Variants in EFHB observed in about 807,000 individuals in gnomAD.
EFHB encodes the protein EF-hand domain-containing family member B.
EFHB carries 91 observed loss-of-function variants against 87.2 expected under a neutral mutation model. The ratio of observed to expected loss-of-function variants is 1.04; its 90% CI spans 0.88 to 1.24. The LOEUF (loss-of-function observed/expected upper bound fraction) is 1.24, where lower values mean the gene tolerates loss of function less well. Among genes scored for constraint, EFHB ranks in the 50% most tolerant of loss-of-function variants. The pLI is 0.00. For missense variants in EFHB, 1,084 were observed against 998.8 expected (o/e 1.09, Z -1.15); for synonymous variants, 325 against 333.6 (o/e 0.97, Z 0.28).
chr3:19,904,107 G>A (rs1005240106), intron 6 of EFHB, among the ~76,000 whole-genome samples: 1 of 152,198 alleles, frequency 6.6e-6, no homozygotes, highest in Non-Finnish European at 1.5e-5. Context: ...AAGTTTGTGT[G>A]CATGTTGGGC....
chr3:19,921,951 G>A (rs996958435), intron 1 of EFHB, among the ~76,000 whole-genome samples: 18 of 152,052 alleles, frequency 1.2e-4, no homozygotes, highest in Admixed American at 2.0e-4. Flanking sequence ...GACCATTTGA[G>A]GTCAGGAGTT....
intron 11 of EFHB, among the ~76,000 whole-genome samples, chr3:19,883,606 A>G (rs919144672): frequency 9.2e-5 from 14 of 152,158 alleles, no homozygotes; most frequent in African/African-American, 3.4e-4. Context: ...CCTAACCTCC[A>G]CTAACTCAGA....
rs140136782 is a variant in EFHB, at chr3:19,925,028, G to A, written c.790-4461C>T. Among the ~76,000 whole-genome samples the A allele has an allele frequency of 4.5e-4, 69 of 152,032 alleles. No individual in the cohort carries two copies. In the East Asian group the frequency reaches 0.011, roughly 24 times the overall value. ...TGGGAAGCCGAGGTGGGCGGATCAC[G>A]AGGTCAGGAGATCAAGACCATCCTG... On this transcript the variant is annotated intron_variant, in intron 1 of 12. Transcript: ENST00000295824.
In EFHB at chr3:19,946,751, C is replaced by T. The variant is rs114645597; in HGVS notation, c.-32+168G>A. Among the ~76,000 whole-genome samples, 10 of 152,204 alleles carry T rather than the reference C, an allele frequency of 6.6e-5. No homozygotes were observed. The East Asian group carries it at 1.9e-3, about 29-fold the overall frequency. The stretch of plus-strand genomic sequence containing the variant: ...TGCCAGGATTGGGGTTAGGGAACCT[C>T]GCCGCTCCCACAAGGGCTGGGCACA... On this transcript the variant is annotated intron_variant, in intron 1 of 14. Coordinates refer to the EFHB transcript ENST00000344838.
intron 1 of EFHB, among the ~76,000 whole-genome samples, chr3:19,928,690 CTGCCT>C (rs1337673245): frequency 6.6e-6 from 1 of 152,188 alleles, no homozygotes; most frequent in African/African-American, 2.4e-5. Flanking sequence ...GGTGATCTGT[CTGCCT>C]TGGCCTCCCA....
At chr3:19,900,645 G>C (rs2125131709) in intron 6 of EFHB, among the ~76,000 whole-genome samples, 1 of 152,168 alleles carries the variant, frequency 6.6e-6, no homozygotes, top group Admixed American at 6.5e-5. Context: ...ATGTAGAAAA[G>C]AGCCTGGGCA....
At chr3:19,911,168 T>C (rs898851990) in intron 5 of EFHB, among the ~76,000 whole-genome samples, 1 of 152,228 alleles carries the variant, frequency 6.6e-6, no homozygotes, top group Non-Finnish European at 1.5e-5. Context: ...GAATTCAAAA[T>C]AGCTGTGTTG....
upstream of EFHB, chr3:19,936,273 C>T: frequency 1.4e-6 from 1 of 700,822 alleles, no homozygotes; most frequent in Non-Finnish European, 2.6e-6. Context: ...TCACTTGAGC[C>T]CAGGAGGTCT....
rs114438120 is a variant in EFHB, at chr3:19,923,919, T to C, written c.790-3352A>G. Among the ~76,000 whole-genome samples, 1,450 of 152,304 alleles carry C rather than the reference T, an allele frequency of 9.5e-3. 28 individuals carry two copies. Among genetic ancestry groups the C allele is most frequent in the African/African-American group, 0.033 (1,366 of 41,578 alleles). On this transcript the variant is annotated intron_variant, in intron 1 of 12. Coordinates refer to ENST00000295824, the MANE Select transcript of EFHB (RefSeq NM_144715.4). ...ATGATAATCTAAATAAAATTTCTAC[T>C]TTTCACCTATTGTTTTAATATGTAC...
intron 6 of EFHB, among the ~76,000 whole-genome samples, chr3:19,904,023 A>G (rs1280387731): frequency 6.6e-6 from 1 of 152,214 alleles, no homozygotes. Context: ...TTTTGCCTCT[A>G]TAACTGAGAG....
chr3:19,890,889 C>T (rs528928561), intron 9 of EFHB, among the ~76,000 whole-genome samples: 2 of 152,254 alleles, frequency 1.3e-5, no homozygotes, highest in East Asian at 1.9e-4. Flanking sequence ...GGCCTTCTGA[C>T]TCTCCAGCCA....
At chr3:19,915,749 A>G (rs1220392657) in intron 4 of EFHB, among the ~76,000 whole-genome samples, 1 of 133,498 alleles carries the variant, frequency 7.5e-6, no homozygotes, top group East Asian at 2.0e-4. Context: ...GTGAAACCCC[A>G]TTTCTACTAA....
At chr3:19,894,779 G>A (rs1303812550) in intron 9 of EFHB, 1 of 151,968 alleles carries the variant, frequency 6.6e-6, no homozygotes, top group Non-Finnish European at 1.5e-5. Flanking sequence ...CTGAGGTCAG[G>A]AGTTCAAGAC....
chr3:19,885,240 G>A lies in EFHB; in HGVS notation c.1934-625C>T, dbSNP rs372244525. On this transcript the variant is annotated intron_variant, in intron 10 of 12. Coordinates refer to ENST00000295824, the MANE Select transcript of EFHB (RefSeq NM_144715.4). ...TTCGTCTCAAAAAAAAAAAAAAAGC[G>A]TATTTTAATATTTAACTTGAACTAC... 3.8e-4 allele frequency among the ~76,000 whole-genome samples: 57 copies of A among 150,242 alleles called. 1 individual carries two copies. The highest frequency in any genetic ancestry group is 3.4e-3 in the South Asian group (16 of 4,760).
Position 19,905,743 on chromosome 3 carries a change from G to T in EFHB, c.1295C>A (p.Ala432Glu). 1 of 1,605,768 alleles carries T rather than the reference G, an allele frequency of 6.2e-7. No individual in the cohort carries two copies. The change falls in exon 6 of 13, where the codon GCA becomes GAA. Residue 432 changes from alanine to glutamate, a missense_variant. Coordinates refer to ENST00000295824, the MANE Select transcript of EFHB (RefSeq NM_144715.4). The stretch of plus-strand genomic sequence containing the variant: ...TGATGGGTTATACTTTCGGTTCTTT[G>T]CCTCTCCTGTGGAAAAAGAAAGGAA... ...VSHNDYYAGE[A>E]KNRKYNPSSF... is the part of the protein sequence containing the mutation.
chr3:19,900,657 G>A (rs768739968), intron 6 of EFHB, among the ~76,000 whole-genome samples: 20 of 152,028 alleles, frequency 1.3e-4, no homozygotes, highest in East Asian at 3.9e-4. Context: ...GCCTGGGCAC[G>A]GTGGCTCATA....
At chr3:19,913,408 G>T (rs1197445202) in intron 5 of EFHB, among the ~76,000 whole-genome samples, 1 of 152,106 alleles carries the variant, frequency 6.6e-6, no homozygotes, top group African/African-American at 2.4e-5. Context: ...AACAGTGAAT[G>T]ATGTGAAAAA....
intron 10 of EFHB, among the ~76,000 whole-genome samples, chr3:19,887,307 C>A (rs6550212): frequency 0.043 from 6,408 of 150,388 alleles, 447 homozygotes; most frequent in African/African-American, 0.14. Flanking sequence ...ATCACTTGAA[C>A]CCGGCAGGTA....
chr3:19,898,436 C>T (rs2931384), intron 8 of EFHB, among the ~76,000 whole-genome samples: 2 of 151,968 alleles, frequency 1.3e-5, no homozygotes, highest in Non-Finnish European at 2.9e-5. Context: ...CACTTTGAGA[C>T]GTTAGGACTA....
Sources: allele counts gnomAD v4.1 joint callset (sites outside exome capture counted in the v4.1 genomes callset), GRCh38; gene constraint gnomAD v4.1.1; transcripts MANE v1.5; gene names NCBI Gene and HGNC (gene_info 2026-07-23, HGNC 2026-07-21).